Variants in NUP160 observed in about 807,000 individuals in gnomAD.
NUP160 encodes the protein nuclear pore complex protein Nup160.
A neutral mutation model predicts 196.9 loss-of-function variants in NUP160; 94 were observed. The ratio of observed to expected loss-of-function variants is 0.48; its 90% CI spans 0.40 to 0.57. The LOEUF (loss-of-function observed/expected upper bound fraction) is 0.57. Among genes scored for constraint, NUP160 ranks in the 20% least tolerant of loss-of-function variants. NUP160 has a pLI of 0.00. For missense variants in NUP160, 1,638 were observed against 1,748.3 expected (o/e 0.94, Z 1.13); for synonymous variants, 605 against 619.7 (o/e 0.98, Z 0.35).
At chr11:47,840,961 G>C (rs554925680) in intron 2 of NUP160, among the ~76,000 whole-genome samples, 34 of 152,136 alleles carry the variant, frequency 2.2e-4, no homozygotes, top group African/African-American at 7.7e-4. Flanking sequence ...AATAATTGCG[G>C]TTATTTCCTG....
intron 9 of NUP160, chr11:47,820,190 GGTTT>G (rs975582862): frequency 2.6e-5 from 4 of 152,086 alleles, no homozygotes; most frequent in Admixed American, 6.6e-5. Flanking sequence ...GCTTCAAAAT[GGTTT>G]GTTTTTTATT....
At position 47,841,664 on chromosome 11, in the gene NUP160, G is replaced by A. The variant is rs896113079; in HGVS notation, c.315-1076C>T. ...TTCGAGAGATTGAGGGCTCTAAGGAGCATGTACCATCTGATAATTTTTGTT... is the reference window on the plus strand; with the variant it reads ...TTCGAGAGATTGAGGGCTCTAAGGAACATGTACCATCTGATAATTTTTGTT... On this transcript the variant is annotated intron_variant, in intron 2 of 35. Transcript: ENST00000378460. 5.5e-5 allele frequency: 18 copies of A among 327,250 alleles called. No homozygotes were observed. In the South Asian group the frequency reaches 5.7e-4, roughly 10 times the overall value. The allele number at this position is 327,250 out of a possible 1,614,324, so 20.3% of individuals were successfully genotyped here. A position where few individuals can be genotyped will look rare whatever the true frequency, so the allele number is the denominator to read the frequency against.
Position 47,833,251 on chromosome 11 carries a change from C to T in NUP160, c.1101+2400G>A, listed in dbSNP as rs536794701. Among the ~76,000 whole-genome samples, 5 of 151,974 alleles carry T rather than the reference C, an allele frequency of 3.3e-5. No individual in the cohort carries two copies. The South Asian group carries it at 8.3e-4, about 25-fold the overall frequency. ...GGTGGATCACCTGAGGTCAGGAGTT[C>T]GAGACCAGACTGGCCCACATGGTGA... On this transcript the variant is annotated intron_variant, in intron 7 of 35. Transcript: ENST00000378460.
chr11:47,779,025 C>A, exon 36 of NUP160: 1 of 1,004,524 alleles, frequency 1.0e-6, no homozygotes, highest in Non-Finnish European at 1.6e-6. Flanking sequence ...AAAAATCGGC[C>A]TTGAGTACAG....
At position 47,819,391 on chromosome 11, in the gene NUP160, C is replaced by T. The variant is rs377322426; in HGVS notation, c.1345G>A (p.Asp449Asn). The T allele has an allele frequency of 5.6e-6, 9 of 1,611,300 alleles. No homozygotes were observed. In the African/African-American group the frequency reaches 1.1e-4, roughly 19 times the overall value. Residue 449 changes from aspartate (D) to asparagine (N), a missense_variant, in exon 10 of 36, where the codon GAT becomes AAT. Physicochemically the swap from Asp to Asn is conservative, Grantham distance 23. Transcript: ENST00000378460. ...CTACTTACTCTGGGGTCTTGATCAT[C>T]TCTGATGACAATCTCTTCCTCTGGC...
At chr11:47,784,801 C>T (rs984905540) in intron 33 of NUP160, 121 bp downstream of exon 33, 3 of 698,262 alleles carry the variant, frequency 4.3e-6, no homozygotes, top group African/African-American at 3.6e-5. Context: ...GTTGGCCTAC[C>T]AATGTGCGGG....
At chr11:47,817,957 T>G (rs989955422) in intron 11 of NUP160, 99 bp downstream of exon 11, 2 of 637,076 alleles carry the variant, frequency 3.1e-6, no homozygotes. Context: ...AATACAGAAG[T>G]ACATTCAGTG....
chr11:47,806,537 A>G, intron 19 of NUP160: 1 of 437,928 alleles, frequency 2.3e-6, no homozygotes, highest in Non-Finnish European at 4.1e-6. Flanking sequence ...AGTTATAGTC[A>G]TTTCTTTTCA....
At chr11:47,786,678 A>G (rs2097664723) in intron 31 of NUP160, 124 bp from the exon 32 acceptor site, 3 of 642,430 alleles carry the variant, frequency 4.7e-6, no homozygotes, top group Non-Finnish European at 5.6e-6. Flanking sequence ...TCACTACTGG[A>G]ATATTGGCTC....
intron 27 of NUP160, among the ~76,000 whole-genome samples, chr11:47,793,175 A>G (rs1402564502): frequency 6.6e-6 from 1 of 151,790 alleles, no homozygotes; most frequent in African/African-American, 2.4e-5. Flanking sequence ...TTTGGTAGAG[A>G]GTTTAGTAGA....
intron 22 of NUP160, among the ~76,000 whole-genome samples, chr11:47,802,595 G>A (rs2097674847): frequency 6.6e-6 from 1 of 152,078 alleles, no homozygotes. Flanking sequence ...GAAAATTTAT[G>A]TAATAGAACA....
Position 47,802,300 on chromosome 11 carries a change from G to A in NUP160, c.2776-370C>T, listed in dbSNP as rs190833318. Among the ~76,000 whole-genome samples the A allele has an allele frequency of 1.8e-4, 28 of 152,074 alleles. No individual in the cohort carries two copies. In the East Asian group the frequency reaches 2.3e-3, roughly 13 times the overall value. ...ACAAAAATTAGCCGGGCGTGGTGGC[G>A]TGCACCTGTAATCCCAGCTACTCAG... On this transcript the variant is annotated intron_variant, in intron 22 of 35. Transcript: ENST00000378460.
intron 2 of NUP160, chr11:47,841,392 C>T: frequency 4.3e-6 from 2 of 461,952 alleles, no homozygotes; most frequent in Non-Finnish European, 8.4e-6. Context: ...GTGATACAAT[C>T]CTGACCAACC....
exon 4 of NUP160, chr11:47,840,004 G>A: frequency 6.2e-7 from 1 of 1,614,110 alleles, no homozygotes; most frequent in African/African-American, 1.3e-5. Context: ...GCAAGGATCT[G>A]TGAAATCAAC....
chr11:47,841,442 G>A, intron 2 of NUP160: 1 of 426,970 alleles, frequency 2.3e-6, no homozygotes, highest in Non-Finnish European at 4.5e-6. Context: ...GGCGCCACTG[G>A]CAGAGCATTT....
At chr11:47,847,718 C>T (rs1455600780) in intron 2 of NUP160, 130 bp downstream of exon 2, 3 of 624,674 alleles carry the variant, frequency 4.8e-6, no homozygotes, top group South Asian at 1.7e-5. Flanking sequence ...CTGATACGAA[C>T]TGAAAAAACA....
exon 13 of NUP160, chr11:47,815,604 G>C (rs2097683997): frequency 1.2e-6 from 2 of 1,611,578 alleles, no homozygotes; most frequent in Admixed American, 1.7e-5. Context: ...TGTAAATTTC[G>C]AAACTCCTCC....
At chr11:47,840,852 TTAACTC>T (rs2135403388) in intron 2 of NUP160, among the ~76,000 whole-genome samples, 1 of 152,316 alleles carries the variant, frequency 6.6e-6, no homozygotes, top group South Asian at 2.1e-4. Context: ...TTTTATGCAA[TTAACTC>T]TACTATAATA....
At chr11:47,818,531 T>A (rs1851784897) in intron 10 of NUP160, among the ~76,000 whole-genome samples, 1 of 147,930 alleles carries the variant, frequency 6.8e-6, no homozygotes, top group Non-Finnish European at 1.5e-5. Context: ...TAATAATAGG[T>A]ATTATATGCA....
Sources: gnomAD v4.1 joint callset for allele counts (sites outside exome capture counted in the v4.1 genomes callset) on GRCh38, gnomAD v4.1.1 for gene constraint, MANE v1.5 for transcripts, NCBI Gene and HGNC (gene_info 2026-07-23, HGNC 2026-07-21) for gene names.